Variants in TPRG1 observed in about 807,000 individuals in gnomAD.
The protein encoded by TPRG1 is tumor protein p63-regulated gene 1 protein.
A neutral mutation model predicts 29.3 loss-of-function variants in TPRG1; 29 were observed. That is an observed-to-expected ratio of 0.99 (90% CI 0.74 to 1.35). TPRG1 has a LOEUF of 1.35. Among genes scored for constraint, TPRG1 ranks in the 40% most tolerant of loss-of-function variants. The probability of loss-of-function intolerance (pLI) is 0.00; values close to 1 mark genes in which losing one functional copy is unlikely to be tolerated. For synonymous variants in TPRG1, 130 were observed against 116.8 expected (o/e 1.11, Z -0.73); for missense variants, 327 against 335.0 (o/e 0.98, Z 0.19).
intron 4 of TPRG1, among the ~76,000 whole-genome samples, chr3:189,024,293 G>A (rs1200936162): frequency 1.3e-5 from 2 of 151,470 alleles, no homozygotes; most frequent in Admixed American, 6.6e-5. Flanking sequence ...AACAAAACAG[G>A]CCAGCTCTGC....
rs545577596 is a variant in TPRG1, at chr3:189,124,584, G to A, written c.-743-2473G>A. On this transcript the variant is annotated intron_variant, in intron 1 of 6. Coordinates refer to the TPRG1 transcript ENST00000412373. ...TATATATATACACACACACACATAC[G>A]TGTACATATATTAATATAGCTTTTC... 1.2e-3 allele frequency among the ~76,000 whole-genome samples: 176 copies of A among 151,382 alleles called. 1 individual carries two copies. The South Asian group carries it at 0.014, about 12-fold the overall frequency.
At chr3:189,021,871 A>G (rs953111783) in intron 3 of TPRG1, among the ~76,000 whole-genome samples, 35 of 152,158 alleles carry the variant, frequency 2.3e-4, no homozygotes, top group Non-Finnish European at 4.0e-4. Context: ...AGGTACACCA[A>G]TGAGACGTAG....
chr3:189,059,318 T>C (rs1051052471), intron 4 of TPRG1, among the ~76,000 whole-genome samples: 2 of 152,118 alleles, frequency 1.3e-5, no homozygotes, highest in Admixed American at 1.3e-4. Context: ...GAAGGCCAGG[T>C]GCAGTGGCTC....
In TPRG1 at chr3:189,129,606, G is replaced by A. The variant is rs539223211; in HGVS notation, c.-590+2396G>A. Among the ~76,000 whole-genome samples the A allele has an allele frequency of 5.3e-5, 8 of 152,194 alleles. No homozygotes were observed. In the South Asian group the frequency reaches 1.7e-3, roughly 32 times the overall value. On this transcript the variant is annotated intron_variant, in intron 2 of 6. Transcript: ENST00000412373. ...CCTCTTGTGGTGGATCTTGCTTGTT[G>A]CCATTGTTATTATGATGTTGTAATG...
intron 4 of TPRG1, among the ~76,000 whole-genome samples, chr3:189,243,660 G>A (rs1740962181): frequency 6.6e-6 from 1 of 152,124 alleles, no homozygotes; most frequent in South Asian, 2.1e-4. Context: ...ATGAGTATAG[G>A]TTCTTAGAAG....
At chr3:189,218,403 A>G (rs956956525) in intron 3 of TPRG1, among the ~76,000 whole-genome samples, 1 of 152,164 alleles carries the variant, frequency 6.6e-6, no homozygotes, top group African/African-American at 2.4e-5. Flanking sequence ...GGCGTGAGCC[A>G]TCGCGCCCGG....
chr3:189,316,621 A>G (rs1363184506), intron 5 of TPRG1, among the ~76,000 whole-genome samples: 4 of 152,144 alleles, frequency 2.6e-5, no homozygotes, highest in Admixed American at 2.6e-4. Context: ...TCGGCTGGTA[A>G]ATAATTGGTG....
chr3:189,234,886 A>G (rs527388034), intron 3 of TPRG1, among the ~76,000 whole-genome samples: 1 of 152,342 alleles, frequency 6.6e-6, no homozygotes, highest in East Asian at 1.9e-4. Flanking sequence ...ACAAGTAGCC[A>G]CAGAGGTTTG....
At position 189,027,843 on chromosome 3, in the gene TPRG1, A is replaced by C. The variant is rs142006582; in HGVS notation, c.-463+3897A>C. Among the ~76,000 whole-genome samples, 408 of 152,294 alleles carry C rather than the reference A, an allele frequency of 2.7e-3. 2 individuals carry two copies. Among genetic ancestry groups the C allele is most frequent in the South Asian group, 8.5e-3 (41 of 4,832 alleles). On this transcript the variant is annotated intron_variant, in intron 4 of 10. Transcript: ENST00000433971. ...TGTTGGAAGGCTTAAAAGCAATAGC[A>C]TTGTGAACAGTGAGCATGCATTCCC...
At chr3:189,050,032 C>T (rs2152138912) in intron 4 of TPRG1, among the ~76,000 whole-genome samples, 1 of 152,108 alleles carries the variant, frequency 6.6e-6, no homozygotes, top group East Asian at 1.9e-4. Flanking sequence ...ACTAGATCAA[C>T]AAGAACTGAC....
intron 1 of TPRG1, among the ~76,000 whole-genome samples, chr3:189,199,163 C>G (rs1416876228): frequency 6.6e-6 from 1 of 152,176 alleles, no homozygotes; most frequent in Non-Finnish European, 1.5e-5. Flanking sequence ...CATAAAACAA[C>G]ACCCTGTAAT....
At chr3:189,286,926 T>C (rs891687854) in intron 4 of TPRG1, among the ~76,000 whole-genome samples, 2 of 152,092 alleles carry the variant, frequency 1.3e-5, no homozygotes, top group Non-Finnish European at 2.9e-5. Context: ...TCTTTTTCAC[T>C]TGGGTCAGCT....
rs533002221 is a variant in TPRG1, at chr3:189,254,059, C to T, written c.479+15150C>T. Among the ~76,000 whole-genome samples the T allele has an allele frequency of 2.6e-5, 4 of 152,172 alleles. No individual in the cohort carries two copies. The South Asian group carries it at 6.2e-4, about 24-fold the overall frequency. On this transcript the variant is annotated intron_variant, in intron 4 of 5. Coordinates refer to ENST00000345063, the MANE Select transcript of TPRG1 (RefSeq NM_198485.4). ...ATTTGTCAATTTTGGCTTTTGTTGC[C>T]ATTGCTTTTGGTGTTTTAGTCATGA...
At chr3:189,225,647 C>G (rs751763745) in intron 3 of TPRG1, among the ~76,000 whole-genome samples, 1 of 151,466 alleles carries the variant, frequency 6.6e-6, no homozygotes, top group Non-Finnish European at 1.5e-5. Flanking sequence ...GCAAACATGC[C>G]GCTTGATTTA....
chr3:189,004,165 A>G (rs368308713), intron 2 of TPRG1, among the ~76,000 whole-genome samples: 30 of 152,260 alleles, frequency 2.0e-4, no homozygotes, highest in African/African-American at 6.7e-4. Flanking sequence ...TAATGCATTT[A>G]TGTGGTTCAA....
chr3:189,080,940 A>G (rs2152168743), intron 4 of TPRG1, among the ~76,000 whole-genome samples: 1 of 152,278 alleles, frequency 6.6e-6, no homozygotes, highest in East Asian at 1.9e-4. Context: ...CAGGAAAGCC[A>G]CAAAGGAAGC....
At chr3:189,224,506 A>C (rs2108877258) in intron 3 of TPRG1, among the ~76,000 whole-genome samples, 1 of 152,304 alleles carries the variant, frequency 6.6e-6, no homozygotes, top group East Asian at 1.9e-4. Context: ...ACAAAAAAAC[A>C]AAAACATTCA....
At chr3:189,041,815 G>T (rs1714652857) in intron 4 of TPRG1, among the ~76,000 whole-genome samples, 1 of 152,206 alleles carries the variant, frequency 6.6e-6, no homozygotes, top group African/African-American at 2.4e-5. Flanking sequence ...AAAGGCCTCA[G>T]ACTCAGATGC....
At chr3:189,166,969 C>A (rs961304174) in intron 5 of TPRG1, among the ~76,000 whole-genome samples, 2 of 152,144 alleles carry the variant, frequency 1.3e-5, no homozygotes, top group Non-Finnish European at 2.9e-5. Context: ...CCCAAAGATG[C>A]AGAAACGGGG....
Sources: gnomAD v4.1 joint callset for allele counts (sites outside exome capture counted in the v4.1 genomes callset) on GRCh38, gnomAD v4.1.1 for gene constraint, MANE v1.5 for transcripts, NCBI Gene and HGNC (gene_info 2026-07-23, HGNC 2026-07-21) for gene names.